Variants in NALF1 observed in about 807,000 individuals in gnomAD.
NALF1 encodes the protein NALCN channel auxiliary factor 1, also known as family with sequence similarity 155 member A.
NALF1 carries 3 observed loss-of-function variants against 48.4 expected under a neutral mutation model. The observed-to-expected ratio is 0.06, with a 90% CI of 0.03 to 0.16. NALF1 has a LOEUF of 0.16. Among genes scored for constraint, NALF1 ranks in the 10% least tolerant of loss-of-function variants. The probability of loss-of-function intolerance (pLI) is 1.00; values close to 1 mark genes in which losing one functional copy is unlikely to be tolerated. For synonymous variants in NALF1, 262 were observed against 245.7 expected, an observed-to-expected ratio of 1.07 and a Z score of -0.62; for missense variants, 526 against 571.5, an observed-to-expected ratio of 0.92 and a Z score of 0.81.
chr13:107,263,290 AC>A (rs1880973095), intron 1 of NALF1, among the ~76,000 whole-genome samples: 1 of 148,486 alleles, frequency 6.7e-6, no homozygotes, highest in South Asian at 2.1e-4. Context: ...ACACACACAC[AC>A]ATCTCAGTGG....
chr13:107,762,506 A>T lies in NALF1; in HGVS notation c.915+103176T>A, dbSNP rs372951295. Reference sequence around the variant, plus strand: ...GAGAGCACCCCAGGCAATGAGAAGGATGTGAGTGAAGATCTGAACTGGGAT... The same window carrying T: ...GAGAGCACCCCAGGCAATGAGAAGGTTGTGAGTGAAGATCTGAACTGGGAT... On this transcript the variant is annotated intron_variant, in intron 1 of 2. Coordinates refer to ENST00000375915, the MANE Select transcript of NALF1 (RefSeq NM_001080396.3). Among the ~76,000 whole-genome samples the T allele has an allele frequency of 5.3e-5, 8 of 152,284 alleles. 1 individual carries two copies. In the East Asian group the frequency reaches 1.5e-3, roughly 29 times the overall value.
chr13:107,413,012 C>T (rs1284699655), intron 1 of NALF1, among the ~76,000 whole-genome samples: 1 of 152,068 alleles, frequency 6.6e-6, no homozygotes, highest in Non-Finnish European at 1.5e-5. Context: ...TCTATGAAAA[C>T]CACATGAAAA....
At chr13:107,209,090 A>G (rs560840164) in intron 2 of NALF1, among the ~76,000 whole-genome samples, 31 of 152,282 alleles carry the variant, frequency 2.0e-4, no homozygotes, top group Admixed American at 5.9e-4. Flanking sequence ...TGGCCATTGC[A>G]CTTTCTAATT....
intron 1 of NALF1, among the ~76,000 whole-genome samples, chr13:107,332,980 G>A (rs2138925883): frequency 6.6e-6 from 1 of 152,150 alleles, no homozygotes; most frequent in East Asian, 1.9e-4. Context: ...AGAGTAGCTG[G>A]GATTACAGGT....
intron 1 of NALF1, among the ~76,000 whole-genome samples, chr13:107,726,935 G>C (rs1448056577): frequency 6.6e-5 from 10 of 150,556 alleles, no homozygotes; most frequent in Admixed American, 3.3e-4. Flanking sequence ...GTGTGTGTGT[G>C]TGTGTGTGTG....
At chr13:107,253,784 T>C (rs1056174771) in intron 1 of NALF1, among the ~76,000 whole-genome samples, 4 of 152,064 alleles carry the variant, frequency 2.6e-5, no homozygotes, top group Admixed American at 1.3e-4. Context: ...ACCCTTCACC[T>C]CATCTGTTCC....
At chr13:107,189,042 A>T (rs763508917) in intron 2 of NALF1, among the ~76,000 whole-genome samples, 6 of 152,226 alleles carry the variant, frequency 3.9e-5, no homozygotes, top group Non-Finnish European at 8.8e-5. Flanking sequence ...GAAAAACGAT[A>T]CTAAATGAAA....
chr13:107,816,833 C>T (rs1462246636), intron 1 of NALF1, among the ~76,000 whole-genome samples: 1 of 152,104 alleles, frequency 6.6e-6, no homozygotes, highest in Non-Finnish European at 1.5e-5. Context: ...GTAGACCTCT[C>T]TCTCTCTTCC....
At chr13:107,296,780 T>A (rs895539289) in intron 1 of NALF1, among the ~76,000 whole-genome samples, 6 of 151,818 alleles carry the variant, frequency 4.0e-5, no homozygotes, top group South Asian at 2.1e-4. Flanking sequence ...AAAAAGAAAA[T>A]ATATATATAT....
intron 1 of NALF1, among the ~76,000 whole-genome samples, chr13:107,648,693 C>T (rs1880373696): frequency 6.6e-6 from 1 of 152,086 alleles, no homozygotes; most frequent in African/African-American, 2.4e-5. Flanking sequence ...TATTTGAGAA[C>T]ATACCAAGAA....
chr13:107,688,359 C>T (rs180675743), intron 1 of NALF1, among the ~76,000 whole-genome samples: 14 of 152,242 alleles, frequency 9.2e-5, no homozygotes, highest in African/African-American at 1.2e-4. Flanking sequence ...ACCTTTTACA[C>T]GGACATATGG....
chr13:107,642,308 T>G (rs1190479591), intron 1 of NALF1, among the ~76,000 whole-genome samples: 1 of 152,220 alleles, frequency 6.6e-6, no homozygotes, highest in Non-Finnish European at 1.5e-5. Flanking sequence ...ATATTGGCTA[T>G]GCCCACACAA....
chr13:107,554,220 A>T (rs928220357), intron 1 of NALF1, among the ~76,000 whole-genome samples: 1 of 152,180 alleles, frequency 6.6e-6, no homozygotes, highest in Non-Finnish European at 1.5e-5. Flanking sequence ...ATGGAGCCCC[A>T]GGCTTCTCTT....
chr13:107,446,885 A>G (rs1286435746), intron 1 of NALF1, among the ~76,000 whole-genome samples: 1 of 152,234 alleles, frequency 6.6e-6, no homozygotes, highest in African/African-American at 2.4e-5. Context: ...GCATGTCTGA[A>G]ACAATCACAT....
intron 1 of NALF1, among the ~76,000 whole-genome samples, chr13:107,832,056 A>T (rs1402448771): frequency 6.6e-6 from 1 of 152,152 alleles, no homozygotes; most frequent in Non-Finnish European, 1.5e-5. Flanking sequence ...AGAACTACAC[A>T]TTTTGTGATT....
chr13:107,606,805 C>T (rs1879085563), intron 1 of NALF1, among the ~76,000 whole-genome samples: 1 of 152,132 alleles, frequency 6.6e-6, no homozygotes, highest in Admixed American at 6.6e-5. Flanking sequence ...ATTTTCTGTG[C>T]TATGATATTA....
chr13:107,379,865 C>T (rs1162824865), intron 1 of NALF1, among the ~76,000 whole-genome samples: 1 of 152,186 alleles, frequency 6.6e-6, no homozygotes, highest in African/African-American at 2.4e-5. Context: ...GGGCAGATCA[C>T]ATGGATTTAC....
intron 2 of NALF1, among the ~76,000 whole-genome samples, chr13:107,200,210 T>G (rs1879482238): frequency 6.6e-6 from 1 of 152,092 alleles, no homozygotes; most frequent in Non-Finnish European, 1.5e-5. Flanking sequence ...AACTCCCCCT[T>G]GGGGGTCAGG....
chr13:107,536,179 C>T (rs535114466), intron 1 of NALF1, among the ~76,000 whole-genome samples: 18 of 152,132 alleles, frequency 1.2e-4, no homozygotes, highest in African/African-American at 2.9e-4. Context: ...AAGGACTTCA[C>T]GTCTAAAACA....
Sources: allele counts gnomAD v4.1 joint callset (sites outside exome capture counted in the v4.1 genomes callset), GRCh38; gene constraint gnomAD v4.1.1; transcripts MANE v1.5; gene names NCBI Gene and HGNC (gene_info 2026-07-23, HGNC 2026-07-21).